Variants in CSMD1 observed in about 807,000 individuals in gnomAD.
CSMD1 encodes the protein CUB and Sushi multiple domains 1.
Under a neutral mutation model 417.5 loss-of-function variants are expected in CSMD1, and 213 were observed. That is an observed-to-expected ratio of 0.51 (90% confidence interval 0.46 to 0.57). The LOEUF (loss-of-function observed/expected upper bound fraction) is 0.57, where lower values mean the gene tolerates loss of function less well. Ranked by LOEUF, CSMD1 falls within the 20% of genes least tolerant of loss-of-function variation. The pLI is 0.00. For synonymous variants in CSMD1, 2,862 were observed against 1,736.8 expected, an observed-to-expected ratio of 1.65 and a Z score of -16.11; for missense variants, 6,923 against 4,529.7, an observed-to-expected ratio of 1.53 and a Z score of -15.17.
chr8:3,948,424 G>C (rs1161309075), intron 5 of CSMD1, among the ~76,000 whole-genome samples: 3 of 152,116 alleles, frequency 2.0e-5, no homozygotes, highest in Admixed American at 1.3e-4. Context: ...ATAGGGGAAA[G>C]ACGTTAGGTT....
chr8:4,984,633 G>C (rs922132733), intron 1 of CSMD1, among the ~76,000 whole-genome samples: 1 of 152,074 alleles, frequency 6.6e-6, no homozygotes, highest in Non-Finnish European at 1.5e-5. Context: ...GATTAGGGTA[G>C]TCATAGCCTT....
chr8:3,155,637 G>C (rs941502118), intron 39 of CSMD1, among the ~76,000 whole-genome samples: 1 of 151,486 alleles, frequency 6.6e-6, no homozygotes, highest in Non-Finnish European at 1.5e-5. Context: ...AAAGTGCTGG[G>C]ATTACAGGCG....
At chr8:3,370,270 G>T (rs987135790) in intron 18 of CSMD1, among the ~76,000 whole-genome samples, 15 of 152,110 alleles carry the variant, frequency 9.9e-5, no homozygotes, top group African/African-American at 3.6e-4. Flanking sequence ...CCTATGAATG[G>T]AAGCACTGAA....
chr8:4,968,375 C>A (rs907745589), intron 1 of CSMD1, among the ~76,000 whole-genome samples: 1 of 151,842 alleles, frequency 6.6e-6, no homozygotes, highest in Admixed American at 6.6e-5. Flanking sequence ...TTTTCCTTAC[C>A]CCCAACAGAA....
chr8:3,457,350 G>A (rs770953829), intron 12 of CSMD1, among the ~76,000 whole-genome samples: 8 of 152,122 alleles, frequency 5.3e-5, no homozygotes, highest in Non-Finnish European at 1.2e-4. Context: ...GTCTGAAGCT[G>A]CCTAACTTCT....
intron 3 of CSMD1, among the ~76,000 whole-genome samples, chr8:4,281,855 A>G (rs1209652245): frequency 1.3e-5 from 2 of 152,200 alleles, no homozygotes; most frequent in Admixed American, 6.5e-5. Context: ...CACACCTAAC[A>G]TGCATTAAAA....
chr8:3,728,824 T>C (rs1490067979), intron 6 of CSMD1, among the ~76,000 whole-genome samples: 1 of 152,248 alleles, frequency 6.6e-6, no homozygotes, highest in African/African-American at 2.4e-5. Flanking sequence ...GCCCCCTTAA[T>C]ATTTCTAACA....
intron 1 of CSMD1, among the ~76,000 whole-genome samples, chr8:4,763,818 G>T (rs1435697585): frequency 1.3e-5 from 2 of 152,102 alleles, no homozygotes. Flanking sequence ...AATTATTAAA[G>T]GATCATGGTT....
At chr8:4,243,751 G>A (rs902390591) in intron 3 of CSMD1, among the ~76,000 whole-genome samples, 5 of 152,220 alleles carry the variant, frequency 3.3e-5, no homozygotes, top group East Asian at 3.9e-4. Flanking sequence ...TCATTTTGCC[G>A]TGTCATCATT....
intron 1 of CSMD1, among the ~76,000 whole-genome samples, chr8:4,855,389 C>A (rs1478476636): frequency 1.4e-4 from 21 of 152,248 alleles, no homozygotes; most frequent in Non-Finnish European, 5.9e-5. Context: ...AGTTCCTCAC[C>A]AGCAACGGAA....
chr8:4,531,138 G>A (rs889435231), intron 2 of CSMD1, among the ~76,000 whole-genome samples: 2 of 152,144 alleles, frequency 1.3e-5, no homozygotes, highest in African/African-American at 4.8e-5. Flanking sequence ...ACTTAACTGT[G>A]TGAGTAGGAC....
intron 3 of CSMD1, among the ~76,000 whole-genome samples, chr8:4,114,421 G>T (rs1585342673): frequency 6.6e-6 from 1 of 152,168 alleles, no homozygotes; most frequent in South Asian, 2.1e-4. Context: ...ACTGCTCATT[G>T]ACAACACAGG....
At chr8:3,804,211 T>C (rs1368258817) in intron 5 of CSMD1, among the ~76,000 whole-genome samples, 2 of 152,048 alleles carry the variant, frequency 1.3e-5, no homozygotes, top group East Asian at 1.9e-4. Flanking sequence ...GGATTACAAG[T>C]GTGAGCCACT....
intron 30 of CSMD1, among the ~76,000 whole-genome samples, chr8:3,211,825 C>T (rs956266014): frequency 9.2e-5 from 14 of 152,234 alleles, no homozygotes; most frequent in Admixed American, 2.0e-4. Flanking sequence ...TCCTGGCCAA[C>T]CTCAAGAGCA....
Position 4,828,172 on chromosome 8 carries a change from G to C in CSMD1, c.85+166160C>G, listed in dbSNP as rs115237400. On this transcript the variant is annotated intron_variant, in intron 1 of 69. Coordinates refer to ENST00000635120, the MANE Select transcript of CSMD1 (RefSeq NM_033225.6). ...AATTCACTTCCATCCCACAAATACA[G>C]AGCTCATTTAAGTGTTTTCAAAGCA... Among the ~76,000 whole-genome samples, 331 of 152,090 alleles carry C rather than the reference G, an allele frequency of 2.2e-3. 1 individual carries two copies. Among genetic ancestry groups the C allele is most frequent in the African/African-American group, 7.3e-3 (302 of 41,474 alleles).
At chr8:4,934,738 A>T (rs67828954) in intron 1 of CSMD1, among the ~76,000 whole-genome samples, 46,913 of 151,916 alleles carry the variant, frequency 0.31, 8,173 homozygotes, top group Non-Finnish European at 0.4. Flanking sequence ...ATATCTATAA[A>T]CTATCTATAT....
chr8:4,952,281 C>T (rs1370246862), intron 1 of CSMD1, among the ~76,000 whole-genome samples: 3 of 151,740 alleles, frequency 2.0e-5, no homozygotes, highest in African/African-American at 4.8e-5. Flanking sequence ...TAATAAAACG[C>T]AACAAATATT....
chr8:3,396,587 C>T (rs1563345018), intron 16 of CSMD1, among the ~76,000 whole-genome samples: 1 of 152,116 alleles, frequency 6.6e-6, no homozygotes, highest in Non-Finnish European at 1.5e-5. Flanking sequence ...ATCCCTTTCT[C>T]TTATCTAATA....
At chr8:3,730,268 G>C (rs573780177) in intron 6 of CSMD1, among the ~76,000 whole-genome samples, 1 of 151,838 alleles carries the variant, frequency 6.6e-6, no homozygotes, top group Non-Finnish European at 1.5e-5. Context: ...TGAGCACATG[G>C]AGCCCCTTGG....
Sources: allele counts gnomAD v4.1 joint callset (sites outside exome capture counted in the v4.1 genomes callset), GRCh38; gene constraint gnomAD v4.1.1; transcripts MANE v1.5; gene names NCBI Gene and HGNC (gene_info 2026-07-23, HGNC 2026-07-21).